FAT3: variants seen among roughly 807,000 people sequenced by gnomAD.
FAT3 encodes FAT atypical cadherin 3.
FAT3 carries 95 observed loss-of-function variants against 310.2 expected under a neutral mutation model. That is an observed-to-expected ratio of 0.31 (90% CI 0.26 to 0.36). The LOEUF is 0.36. Among genes scored for constraint, FAT3 ranks in the 10% least tolerant of loss-of-function variants. The pLI is 1.00. For synonymous variants in FAT3, 2,314 were observed against 2,192.9 expected, an observed-to-expected ratio of 1.06 and a Z score of -1.54; for missense variants, 5,408 against 5,715.6, an observed-to-expected ratio of 0.95 and a Z score of 1.74.
At chr11:92,568,079 G>T in intron 3 of FAT3, among the ~76,000 whole-genome samples, 1 of 152,046 alleles carries the variant, frequency 6.6e-6, no homozygotes, top group East Asian at 1.9e-4. Context: ...CAGTCAATCC[G>T]CAAATATTTA....
At chr11:92,373,172 C>T (rs1949241211) in intron 2 of FAT3, among the ~76,000 whole-genome samples, 1 of 152,122 alleles carries the variant, frequency 6.6e-6, no homozygotes, top group Non-Finnish European at 1.5e-5. Flanking sequence ...CTACCTTCTC[C>T]TCTTCCTTAG....
At chr11:92,843,868 G>A in intron 18 of FAT3, 66 bp from the exon 19 acceptor site, 4 of 1,461,346 alleles carry the variant, frequency 2.7e-6, no homozygotes, top group Non-Finnish European at 3.7e-6. Context: ...CTATCTGCGG[G>A]TTTTTAAAAA....
At chr11:92,488,323 G>A (rs1205545541) in intron 2 of FAT3, among the ~76,000 whole-genome samples, 1 of 152,032 alleles carries the variant, frequency 6.6e-6, no homozygotes, top group Non-Finnish European at 1.5e-5. Context: ...ATAGAACCCT[G>A]AGGAGAGGAC....
At chr11:92,617,535 G>A (rs1004994028) in intron 3 of FAT3, among the ~76,000 whole-genome samples, 1 of 152,156 alleles carries the variant, frequency 6.6e-6, no homozygotes, top group African/African-American at 2.4e-5. Flanking sequence ...GAGGAGCTGT[G>A]TTTCTTTGGA....
intron 3 of FAT3, among the ~76,000 whole-genome samples, chr11:92,615,197 A>G (rs1292889330): frequency 6.6e-6 from 1 of 152,096 alleles, no homozygotes; most frequent in African/African-American, 2.4e-5. Context: ...TTGCATTTTC[A>G]TGTGAATTTT....
intron 2 of FAT3, among the ~76,000 whole-genome samples, chr11:92,469,812 G>A (rs914238583): frequency 6.6e-6 from 1 of 151,978 alleles, no homozygotes; most frequent in African/African-American, 2.4e-5. Flanking sequence ...ACCGCACCTG[G>A]CCTAATTTGT....
In FAT3 at chr11:92,883,143, G is replaced by C. The variant is rs922496049; in HGVS notation, c.12687G>C (p.Gln4229His). The change falls in exon 24 of 28, where the codon CAG (glutamine) becomes CAC (histidine). Residue 4229 changes from glutamine to histidine, a missense_variant. Gln to His is a conservative substitution (Grantham distance 24, BLOSUM62 0). Around this residue, in one of 5 missense-constraint regions of FAT3, gnomAD observed 649 missense variants for 666.2 expected, o/e 0.97. Coordinates refer to ENST00000525166, the MANE Select transcript of FAT3 (RefSeq NM_001367949.2). The surrounding 1 kb of genome is among the most constrained non-coding windows in gnomAD (Gnocchi z 4.2). The part of the protein sequence containing the change: ...RNVYQEVGPP[Q>H]VPVRPMAYTP... ...TCTACCAGGAGGTGGGGCCCCCGCA[G>C]GTCCCCGTGCGCCCCATGGCCTACA... 2 of 1,613,596 alleles carry C rather than the reference G, an allele frequency of 1.2e-6. No homozygotes were observed. Among genetic ancestry groups the C allele is most frequent in the Admixed American group, 3.3e-5 (2 of 60,030 alleles).
chr11:92,872,235 G>A (rs1359527053), intron 22 of FAT3, among the ~76,000 whole-genome samples: 1 of 152,194 alleles, frequency 6.6e-6, no homozygotes, highest in East Asian at 1.9e-4. Context: ...GATAAATTTA[G>A]TCCATCAAAC....
At chr11:92,496,192 C>T (rs558670584) in intron 2 of FAT3, among the ~76,000 whole-genome samples, 3 of 152,134 alleles carry the variant, frequency 2.0e-5, no homozygotes, top group African/African-American at 4.8e-5. Context: ...GGTTTCGTAA[C>T]GTATGTAGCC....
chr11:92,694,231 A>T (rs1340915782), intron 3 of FAT3, among the ~76,000 whole-genome samples: 1 of 152,146 alleles, frequency 6.6e-6, no homozygotes, highest in Non-Finnish European at 1.5e-5. Context: ...ATACCACCTC[A>T]TCTGATTTCC....
At chr11:92,782,195 G>A (rs576506937) in intron 7 of FAT3, among the ~76,000 whole-genome samples, 1 of 152,166 alleles carries the variant, frequency 6.6e-6, no homozygotes, top group Non-Finnish European at 1.5e-5. Context: ...TGGTGGTCAC[G>A]TGCATCTATA....
Position 92,352,520 on chromosome 11 carries a change from G to C in FAT3, c.408G>C (p.Glu136Asp), listed in dbSNP as rs1173256616. Residue 136 changes from glutamate (E) to aspartate (D), a missense_variant, in exon 2 of 28, where the codon GAG (glutamate) becomes GAC (aspartate). This residue lies in a region of FAT3 where 152 missense variants were observed against 188.3 expected (regional missense o/e 0.81). Coordinates refer to ENST00000525166, the MANE Select transcript of FAT3 (RefSeq NM_001367949.2). ...TAGTAAAAGGTTCTGTCAGAGGAGAGGATTTGGAAGCATGGACCAAAGTGA... is the reference window on the plus strand; with the variant it reads ...TAGTAAAAGGTTCTGTCAGAGGAGACGATTTGGAAGCATGGACCAAAGTGA... Reference protein sequence around the residue: ...LLIVKGSVRGEDLEAWTKVNI... With the variant: ...LLIVKGSVRGDDLEAWTKVNI... 1 of 1,613,372 alleles carries C rather than the reference G, an allele frequency of 6.2e-7. No individual in the cohort carries two copies. Among genetic ancestry groups the C allele is most frequent in the Non-Finnish European group, 8.5e-7 (1 of 1,179,794 alleles).
chr11:92,878,746 T>A, intron 22 of FAT3, among the ~76,000 whole-genome samples: 1 of 126,696 alleles, frequency 7.9e-6, no homozygotes. Flanking sequence ...GAAACTGTCA[T>A]AAAAAGTAAA....
chr11:92,298,229 C>G (rs1217875054), intron 1 of FAT3, among the ~76,000 whole-genome samples: 1 of 152,062 alleles, frequency 6.6e-6, no homozygotes, highest in East Asian at 1.9e-4. Flanking sequence ...TCTTTAAGTT[C>G]TTCATTTTAA....
rs17602934 is a variant in FAT3 at position 92,571,652 on chromosome 11, A to G, written c.3607+46704A>G. ...GAATACTCACTTACGTGTCTTTTGC[A>G]TAGGTCTGGTAAGACTCGCATAGCC... On this transcript the variant is annotated intron_variant, in intron 3 of 27. Transcript: ENST00000525166. Among the ~76,000 whole-genome samples the G allele has an allele frequency of 5.5e-3, 833 of 152,312 alleles. 6 individuals are homozygous for G. Among genetic ancestry groups the G allele is most frequent in the Middle Eastern group, 0.02 (6 of 294 alleles).
At chr11:92,747,023 T>A (rs1408334905) in intron 4 of FAT3, among the ~76,000 whole-genome samples, 3 of 152,184 alleles carry the variant, frequency 2.0e-5, no homozygotes, top group Non-Finnish European at 4.4e-5. Context: ...TGTTGGTGGA[T>A]CTACCATTCT....
rs533911015 is a variant in FAT3 at position 92,450,679 on chromosome 11, G to A, written c.3293-73955G>A. ...GTGAATCAGAAGATATGCTCCAGAAGCCATGAAATCCCTAAGTCTGTTTAC... is the reference window on the plus strand; with the variant it reads ...GTGAATCAGAAGATATGCTCCAGAAACCATGAAATCCCTAAGTCTGTTTAC... On this transcript the variant is annotated intron_variant, in intron 2 of 27. Transcript: ENST00000525166. Among the ~76,000 whole-genome samples the A allele has an allele frequency of 4.6e-5, 7 of 152,298 alleles. No homozygotes were observed. The East Asian group carries it at 1.2e-3, about 25-fold the overall frequency.
chr11:92,844,418 G>A lies in FAT3; in HGVS notation c.11051G>A (p.Ser3684Asn), dbSNP rs958949138. The change falls in exon 19 of 28, where the codon AGC becomes AAC. Residue 3684 changes from serine to asparagine, a missense_variant. Physicochemically the swap from Ser to Asn is conservative, Grantham distance 46. This residue lies in a region of FAT3 where 4,588 missense variants were observed against 4,809.8 expected (regional missense o/e 0.95). Transcript: ENST00000525166. ...GCAGTCCTCACCCAGAAGCAGGACA[G>A]CCTGCGCATCATCAGCATCCAGCCC... Reference protein sequence around the residue: ...RNAVLTQKQDSLRIISIQPVA... With the variant: ...RNAVLTQKQDNLRIISIQPVA... The A allele has an allele frequency of 1.9e-6, 3 of 1,613,968 alleles. No homozygotes were observed. The highest frequency in any genetic ancestry group is 1.7e-5 in the Admixed American group (1 of 60,030).
chr11:92,795,579 A>G (rs1160319970), intron 9 of FAT3, among the ~76,000 whole-genome samples: 1 of 152,044 alleles, frequency 6.6e-6, no homozygotes, highest in East Asian at 2.0e-4. Context: ...GAAGCGTGTC[A>G]CAAGCAGATC....
Sources: gnomAD v4.1 joint callset for allele counts (sites outside exome capture counted in the v4.1 genomes callset) on GRCh38, gnomAD v4.1.1 for gene constraint, gnomAD v4.1.1 regional missense constraint, Gnocchi (gnomAD v3.1) non-coding constraint, MANE v1.5 for transcripts, NCBI Gene and HGNC (gene_info 2026-07-23, HGNC 2026-07-21) for gene names.